The following KIF26B variants were observed in gnomAD, a reference collection of about 807,000 sequenced individuals.
The protein encoded by KIF26B is kinesin-like protein KIF26B.
A neutral mutation model predicts 151.2 loss-of-function variants in KIF26B; 63 were observed. That is an observed-to-expected ratio of 0.42 (90% CI 0.34 to 0.51). The LOEUF (loss-of-function observed/expected upper bound fraction) is 0.51, where lower values mean the gene tolerates loss of function less well. KIF26B is among the 20% of genes least tolerant of loss of function. The pLI, the probability that KIF26B is intolerant of heterozygous loss-of-function variation, is 0.07. For synonymous variants in KIF26B, 1,357 were observed against 1,262.1 expected, an observed-to-expected ratio of 1.08 and a Z score of -1.59; for missense variants, 2,813 against 2,913.6, an observed-to-expected ratio of 0.97 and a Z score of 0.79.
chr1:245,269,919 A>G (rs549736107), intron 2 of KIF26B, among the ~76,000 whole-genome samples: 10 of 152,194 alleles, frequency 6.6e-5, no homozygotes, highest in Admixed American at 2.0e-4. Flanking sequence ...GAATGCAAAT[A>G]TTTCTTTGAG....
intron 10 of KIF26B, among the ~76,000 whole-genome samples, chr1:245,676,709 G>GAC (rs1043208135): frequency 4.5e-4 from 69 of 152,266 alleles, no homozygotes; most frequent in African/African-American, 1.6e-3. Context: ...TCATAACAGA[G>GAC]ACTTGTTGGC....
chr1:245,664,894 A>G (rs2044197132), intron 10 of KIF26B, among the ~76,000 whole-genome samples: 1 of 152,188 alleles, frequency 6.6e-6, no homozygotes, highest in Admixed American at 6.5e-5. Flanking sequence ...ATTTACATAT[A>G]TGTTTATGTG....
chr1:245,178,596 A>T (rs1219481211), intron 2 of KIF26B, among the ~76,000 whole-genome samples: 1 of 152,156 alleles, frequency 6.6e-6, no homozygotes, highest in Non-Finnish European at 1.5e-5. Context: ...TCTCAAACCA[A>T]AACTCCAAAT....
At chr1:245,661,839 CATAT>C (rs56713646) in intron 10 of KIF26B, among the ~76,000 whole-genome samples, 2 of 147,650 alleles carry the variant, frequency 1.4e-5, no homozygotes, top group African/African-American at 2.5e-5. Flanking sequence ...TTACACACAC[CATAT>C]ATATATATAC....
chr1:245,671,537 G>A (rs1472352111), intron 10 of KIF26B, among the ~76,000 whole-genome samples: 1 of 152,204 alleles, frequency 6.6e-6, no homozygotes, highest in African/African-American at 2.4e-5. Flanking sequence ...GGAAGGTTCT[G>A]GAGATAAAGG....
chr1:245,431,392 T>A (rs1483802981), intron 4 of KIF26B, among the ~76,000 whole-genome samples: 1 of 150,514 alleles, frequency 6.6e-6, no homozygotes, highest in African/African-American at 2.5e-5. Flanking sequence ...TCGCCCAGGC[T>A]AGGGTGCAGT....
intron 2 of KIF26B, among the ~76,000 whole-genome samples, chr1:245,297,571 T>G (rs769559602): frequency 6.6e-6 from 1 of 152,250 alleles, no homozygotes; most frequent in African/African-American, 2.4e-5. Context: ...CACAATTGTC[T>G]TTTGAAAGCC....
intron 2 of KIF26B, among the ~76,000 whole-genome samples, chr1:245,181,241 A>G (rs1668901090): frequency 6.6e-6 from 1 of 151,944 alleles, no homozygotes. Flanking sequence ...GTTTCCAGCT[A>G]ATGGATCACC....
At chr1:245,400,928 A>G (rs1417672319) in intron 3 of KIF26B, among the ~76,000 whole-genome samples, 1 of 152,180 alleles carries the variant, frequency 6.6e-6, no homozygotes, top group African/African-American at 2.4e-5. Context: ...AACCCAACTC[A>G]TTCAGTGTAT....
At position 245,646,251 on chromosome 1, in the gene KIF26B, C is replaced by T. The variant is rs377524429; in HGVS notation, c.2229C>T (p.Leu743=). 1.2e-5 allele frequency: 20 copies of T among 1,613,728 alleles called. No homozygotes were observed. Among genetic ancestry groups the T allele is most frequent in the African/African-American group, 1.2e-4 (9 of 74,892 alleles). ...LSALGNVILA[L]VNGSKHIPYK... ...CTCTGGGCAATGTCATCCTGGCTCT[C>T]GTCAATGGCAGCAAACACATTCCAT... Residue 743 remains leucine, a synonymous_variant, in exon 10 of 15, where the codon CTC becomes CTT. Transcript: ENST00000407071.
intron 2 of KIF26B, among the ~76,000 whole-genome samples, chr1:245,343,337 T>C (rs1186932455): frequency 6.6e-6 from 1 of 151,954 alleles, no homozygotes; most frequent in Non-Finnish European, 1.5e-5. Context: ...AAAAACCATT[T>C]AAAACATTAA....
intron 10 of KIF26B, among the ~76,000 whole-genome samples, chr1:245,661,851 T>C (rs1320841893): frequency 2.8e-5 from 4 of 140,388 alleles, no homozygotes; most frequent in Non-Finnish European, 4.7e-5. Flanking sequence ...TATATATATA[T>C]ACACCCTATG....
chr1:245,521,396 C>T (rs1029966860), intron 4 of KIF26B, among the ~76,000 whole-genome samples: 1 of 150,978 alleles, frequency 6.6e-6, no homozygotes, highest in Non-Finnish European at 1.5e-5. Flanking sequence ...ATAAAAATAA[C>T]CATCTTCCCT....
At chr1:245,397,848 AT>A (rs1013775745) in intron 3 of KIF26B, among the ~76,000 whole-genome samples, 3 of 152,150 alleles carry the variant, frequency 2.0e-5, no homozygotes, top group African/African-American at 7.2e-5. Flanking sequence ...CCATTAATTG[AT>A]TTGTTCATTT....
Position 245,318,236 on chromosome 1 carries a change from AC to A in KIF26B, c.466-48597del, listed in dbSNP as rs1263239258. Among the ~76,000 whole-genome samples, 1 of 152,190 alleles carries A rather than the reference AC, an allele frequency of 6.6e-6. No homozygotes were observed. The highest frequency in any genetic ancestry group is 1.5e-5 in the Non-Finnish European group (1 of 68,030). ...CACACAACAGACAGGGCACTGTAAG[AC>A]AAAACAAATCAATCAGTCAACGTCA... On this transcript the variant is annotated intron_variant, in intron 2 of 14. Coordinates refer to ENST00000407071, the MANE Select transcript of KIF26B (RefSeq NM_018012.4). The surrounding 1 kb of genome is among the most constrained non-coding windows in gnomAD (Gnocchi z 4.0).
chr1:245,420,680 T>C lies in KIF26B; in HGVS notation c.1166+935T>C, dbSNP rs565165928. 6.8e-4 allele frequency among the ~76,000 whole-genome samples: 103 copies of C among 152,354 alleles called. 1 individual carries two copies. Among genetic ancestry groups the C allele is most frequent in the Non-Finnish European group, 1.4e-3 (94 of 68,030 alleles). On this transcript the variant is annotated intron_variant, in intron 4 of 14. Transcript: ENST00000407071. ...CAGCAGTTCTGCCTCAGTTTCTTCA[T>C]GTATAAAATGAGGATGATACCTGCT...
At chr1:245,656,087 T>C (rs1017935122) in intron 10 of KIF26B, among the ~76,000 whole-genome samples, 1 of 146,820 alleles carries the variant, frequency 6.8e-6, no homozygotes, top group Non-Finnish European at 1.5e-5. Context: ...ATTCATTTAC[T>C]CAAAAATACC....
Position 245,156,591 on chromosome 1 carries a change from C to A in KIF26B, c.373C>A (p.Arg125Ser). ...CGGCGGCTCCTCCCCCGGCTCGGAC[C>A]GCGGCGTCTGGTGCGAGAACTGCAA... Reference protein sequence around the residue: ...SGGGSSPGSDRGVWCENCNAR... With the variant: ...SGGGSSPGSDSGVWCENCNAR... Residue 125 changes from arginine to serine, a missense_variant, in exon 2 of 15, where the codon CGC becomes AGC. This residue lies in a region of KIF26B where 676 missense variants were observed against 688.1 expected (regional missense o/e 0.98). Coordinates refer to ENST00000407071, the MANE Select transcript of KIF26B (RefSeq NM_018012.4). 2.0e-6 allele frequency: 3 copies of A among 1,527,342 alleles called. No individual in the cohort carries two copies. The South Asian group carries it at 3.6e-5, about 18-fold the overall frequency. 94.6% of individuals were successfully genotyped at this position (1,527,342 alleles called of 1,614,324 possible).
At chr1:245,627,282 G>A (rs1045099381) in intron 9 of KIF26B, among the ~76,000 whole-genome samples, 4 of 152,144 alleles carry the variant, frequency 2.6e-5, no homozygotes, top group African/African-American at 7.2e-5. Flanking sequence ...ACTGCATTGA[G>A]TCTGTAGATT....
Sources: allele counts gnomAD v4.1 joint callset (sites outside exome capture counted in the v4.1 genomes callset), GRCh38; gene constraint gnomAD v4.1.1; regional missense constraint gnomAD v4.1.1; non-coding constraint Gnocchi (gnomAD v3.1); transcripts MANE v1.5; gene names NCBI Gene and HGNC (gene_info 2026-07-23, HGNC 2026-07-21).